CSF1: variants seen among roughly 807,000 people sequenced by gnomAD.
The protein encoded by CSF1 is colony stimulating factor 1.
A neutral mutation model predicts 48.9 loss-of-function variants in CSF1; 9 were observed. The observed-to-expected ratio is 0.18, with a 90% CI of 0.11 to 0.32. CSF1 has a LOEUF of 0.32. Among genes scored for constraint, CSF1 ranks in the 10% least tolerant of loss-of-function variants. The pLI is 1.00. For missense variants in CSF1, 672 were observed against 697.9 expected, an observed-to-expected ratio of 0.96 and a Z score of 0.42; for synonymous variants, 305 against 284.1, an observed-to-expected ratio of 1.07 and a Z score of -0.74.
In CSF1 at chr1:109,924,007, A is replaced by G. The variant is rs760312282; in HGVS notation, c.1386A>G (p.Glu462=). Residue 462 remains glutamate (E), a synonymous_variant, in exon 6 of 9, where the codon GAA becomes GAG. Coordinates refer to ENST00000329608, the MANE Select transcript of CSF1 (RefSeq NM_000757.6). The part of the protein sequence containing the change: ...PAEPEGGPAS[E]GAARPLPRFN... ...AGCCAGAAGGAGGACCAGCAAGTGA[A>G]GGGGCAGCCAGGCCCCTGCCCCGTT... The G allele has an allele frequency of 3.7e-6, 6 of 1,614,062 alleles. No homozygotes were observed. In the African/African-American group the frequency reaches 4.0e-5, roughly 11 times the overall value.
At chr1:109,922,891 G>T (rs1465386118) in intron 5 of CSF1, among the ~76,000 whole-genome samples, 2 of 152,158 alleles carry the variant, frequency 1.3e-5, no homozygotes, top group Non-Finnish European at 2.9e-5. Flanking sequence ...CCCTGCATGG[G>T]CTGTTCTCTT....
Position 109,915,506 on chromosome 1 carries a change from G to A in CSF1, c.163-128G>A, listed in dbSNP as rs112465705. ...CCTAGACTTGACTCTGTCTTTCCAC[G>A]TGTGGTTGGCAGGGATGAAGTTCAA... On this transcript the variant is annotated intron_variant, in intron 2 of 8. Transcript: ENST00000329608. 1.4e-4 allele frequency: 102 copies of A among 738,194 alleles called. No individual in the cohort carries two copies. The Middle Eastern group carries it at 1.7e-3, about 12-fold the overall frequency. 45.7% of individuals were successfully genotyped at this position (738,194 alleles called of 1,614,324 possible).
rs12721513 is a variant in CSF1 at position 109,923,497 on chromosome 1, G to C, written c.876G>C (p.Glu292Asp). The C allele has an allele frequency of 1.9e-6, 3 of 1,614,122 alleles. No individual in the cohort carries two copies. Among genetic ancestry groups the C allele is most frequent in the South Asian group, 1.1e-5 (1 of 91,090 alleles). Residue 292 changes from glutamate to aspartate, a missense_variant, in exon 6 of 9, where the codon GAG becomes GAC. Physicochemically the swap from Glu to Asp is conservative, Grantham distance 45. Coordinates refer to ENST00000329608, the MANE Select transcript of CSF1 (RefSeq NM_000757.6). ...PSVGAFNPGM[E>D]DILDSAMGTN... ...TCGGGGCCTTCAACCCCGGGATGGA[G>C]GATATTCTTGACTCTGCAATGGGCA...
At chr1:109,921,518 T>C (rs1328157908) in intron 4 of CSF1, among the ~76,000 whole-genome samples, 4 of 152,250 alleles carry the variant, frequency 2.6e-5, no homozygotes, top group African/African-American at 7.2e-5. Flanking sequence ...ATAGGACTCA[T>C]TGCACTTGTA....
chr1:109,920,350 C>A (rs1480668107), intron 4 of CSF1, among the ~76,000 whole-genome samples: 1 of 150,732 alleles, frequency 6.6e-6, no homozygotes, highest in Non-Finnish European at 1.5e-5. Context: ...TCACTGCAAC[C>A]TTTGCCTCCC....
rs1367872387 is a variant in CSF1 at position 109,914,395 on chromosome 1, C to T, written c.162+14C>T. 6.3e-7 allele frequency: 1 copy of T among 1,582,480 alleles called. No homozygotes were observed. On this transcript the variant is annotated intron_variant, in intron 2 of 8. Coordinates refer to ENST00000329608, the MANE Select transcript of CSF1 (RefSeq NM_000757.6). ...CTGCAGCGGCTGGTGAGTGTGTGGCCATGCTGTATTCTACCTTCTCCCCAC... is the reference window on the plus strand; with the variant it reads ...CTGCAGCGGCTGGTGAGTGTGTGGCTATGCTGTATTCTACCTTCTCCCCAC...
At chr1:109,926,789 A>G (rs333974) in intron 8 of CSF1, 79,215 of 152,108 alleles carry the variant, frequency 0.52, 21,261 homozygotes, top group South Asian at 0.69. Flanking sequence ...TTTTATATGT[A>G]TTGTACATTC....
Position 109,930,243 on chromosome 1 carries a change from C to G in CSF1, c.*1405C>G, listed in dbSNP as rs1219525693. The stretch of plus-strand genomic sequence containing the variant: ...TGATGACCTCCAACTCTCACCCACC[C>G]CCTCTACCATCACCTCTAACCAGGC... On this transcript the variant is annotated 3_prime_UTR_variant, in exon 9 of 9. Coordinates refer to ENST00000329608, the MANE Select transcript of CSF1 (RefSeq NM_000757.6). 1 of 152,360 alleles carries G rather than the reference C, an allele frequency of 6.6e-6. No homozygotes were observed. The highest frequency in any genetic ancestry group is 1.5e-5 in the Non-Finnish European group (1 of 68,150). The allele number at this position is 152,360 out of a possible 1,614,324, so 9.4% of individuals were successfully genotyped here.
At position 109,924,825 on chromosome 1, in the gene CSF1, G is replaced by A. The variant is rs1484839363; in HGVS notation, c.1619G>A (p.Gly540Asp). 1.9e-6 allele frequency: 3 copies of A among 1,605,762 alleles called. No homozygotes were observed. The highest frequency in any genetic ancestry group is 2.6e-6 in the Non-Finnish European group (3 of 1,175,986). ...RADSPLEQPE[G>D]SPLTQDDRQV... ...GATTCTCCCTTGGAGCAACCAGAGG[G>A]CAGGTGAGAGCTTGAGGTGGGGCTC... Residue 540 changes from glycine to aspartate, a missense_variant, in exon 7 of 9, where the codon GGC becomes GAC. Physicochemically the swap from Gly to Asp is moderately conservative, Grantham distance 94. Around this residue, in one of 3 missense-constraint regions of CSF1, gnomAD observed 591 missense variants for 593.6 expected, o/e 1.00. Transcript: ENST00000329608.
chr1:109,929,384 G>C lies in CSF1; in HGVS notation c.*546G>C, dbSNP rs1299295621. On this transcript the variant is annotated 3_prime_UTR_variant, in exon 9 of 9. Coordinates refer to ENST00000329608, the MANE Select transcript of CSF1 (RefSeq NM_000757.6). Reference sequence around the variant, plus strand: ...TTTCCCGTAAAGGTGTGCAGCCTGAGAGACGGGAAGAGGAGGCCTCTGGAC... The same window carrying C: ...TTTCCCGTAAAGGTGTGCAGCCTGACAGACGGGAAGAGGAGGCCTCTGGAC... The C allele has an allele frequency of 6.5e-6, 1 of 152,734 alleles. No individual in the cohort carries two copies. Among genetic ancestry groups the C allele is most frequent in the African/African-American group, 2.4e-5 (1 of 41,460 alleles). The allele number at this position is 152,734 out of a possible 1,614,324, so 9.5% of individuals were successfully genotyped here. A position where few individuals can be genotyped will look rare whatever the true frequency, so the allele number is the denominator to read the frequency against.
At chr1:109,920,880 A>ATT in intron 4 of CSF1, among the ~76,000 whole-genome samples, 1 of 152,070 alleles carries the variant, frequency 6.6e-6, no homozygotes, top group Non-Finnish European at 1.5e-5. Context: ...GGAGAAGGGG[A>ATT]GCTTGGTAAG....
intron 4 of CSF1, among the ~76,000 whole-genome samples, chr1:109,920,427 C>T (rs1340246106): frequency 6.6e-6 from 1 of 152,038 alleles, no homozygotes; most frequent in African/African-American, 2.4e-5. Flanking sequence ...ACCACCATGC[C>T]CAGCTAATTT....
At position 109,923,639 on chromosome 1, in the gene CSF1, C is replaced by A; in HGVS notation, c.1018C>A (p.Pro340Thr). 6.2e-7 allele frequency: 1 copy of A among 1,614,014 alleles called. No homozygotes were observed. The highest frequency in any genetic ancestry group is 1.3e-5 in the African/African-American group (1 of 75,040). ...CAGCATGCAGACAGAGCCCGCCAGACCCAGCAACTTCCTCTCAGCATCTTC... is the reference window on the plus strand; with the variant it reads ...CAGCATGCAGACAGAGCCCGCCAGAACCAGCAACTTCCTCTCAGCATCTTC... ...GGSMQTEPAR[P>T]SNFLSASSPL... The change falls in exon 6 of 9, where the codon CCC becomes ACC. Residue 340 changes from proline (P) to threonine (T), a missense_variant. By Grantham distance (38) the Pro-to-Thr change is conservative. Transcript: ENST00000329608.
chr1:109,925,185 T>A lies in CSF1; in HGVS notation c.1661T>A (p.Val554Glu). Residue 554 changes from valine (V) to glutamate (E), a missense_variant, in exon 8 of 9, where the codon GTG becomes GAG. Transcript: ENST00000329608. ...GATGACAGACAGGTGGAACTGCCAGTGTAGAGGGAATTCTAAGGTAAGATT... is the reference window on the plus strand; with the variant it reads ...GATGACAGACAGGTGGAACTGCCAGAGTAGAGGGAATTCTAAGGTAAGATT... ...TQDDRQVELPV is the reference protein window; with the variant it reads ...TQDDRQVELPE 1 of 1,613,940 alleles carries A rather than the reference T, an allele frequency of 6.2e-7. No individual in the cohort carries two copies. Among genetic ancestry groups the A allele is most frequent in the Non-Finnish European group, 8.5e-7 (1 of 1,179,926 alleles).
At chr1:109,917,174 T>C (rs1647258664) in intron 3 of CSF1, 119 bp from the exon 4 acceptor site, 10 of 1,020,970 alleles carry the variant, frequency 9.8e-6, no homozygotes, top group Non-Finnish European at 1.5e-5. Context: ...GTTGCTGGCA[T>C]GGTGTGGTCC....
Position 109,926,705 on chromosome 1 carries a change from C to T in CSF1, c.*13+1503C>T, listed in dbSNP as rs146171610. Reference sequence around the variant, plus strand: ...GCTCTTTTCAGTCATGCTCCTCCTGCTCTTTTGTATTTGGCTAATAGTATA... The same window carrying T: ...GCTCTTTTCAGTCATGCTCCTCCTGTTCTTTTGTATTTGGCTAATAGTATA... On this transcript the variant is annotated intron_variant, in intron 8 of 8. Coordinates refer to ENST00000329608, the MANE Select transcript of CSF1 (RefSeq NM_000757.6). 7 of 152,092 alleles carry T rather than the reference C, an allele frequency of 4.6e-5. No individual in the cohort carries two copies. The East Asian group carries it at 1.4e-3, about 29-fold the overall frequency. The allele number at this position is 152,092 out of a possible 1,614,324, so 9.4% of individuals were successfully genotyped here.
intron 7 of CSF1, 91 bp downstream of exon 7, chr1:109,924,919 C>A: frequency 2.3e-6 from 3 of 1,331,020 alleles, no homozygotes; most frequent in Non-Finnish European, 3.2e-6. Flanking sequence ...CTCCTGCTTG[C>A]TCTGAGGAAA....
chr1:109,924,680 C>A lies in CSF1; in HGVS notation c.1570-96C>A. 4 of 1,121,342 alleles carry A rather than the reference C, an allele frequency of 3.6e-6. No individual in the cohort carries two copies. In the South Asian group the frequency reaches 5.6e-5, roughly 16 times the overall value. 69.5% of individuals were successfully genotyped at this position (1,121,342 alleles called of 1,614,324 possible). ...GGAAGTTGGGAGGACTCTTGCAACT[C>A]TCTCATAAATACCTGGGGCAGCCCT... On this transcript the variant is annotated intron_variant, in intron 6 of 8. Transcript: ENST00000329608.
intron 4 of CSF1, among the ~76,000 whole-genome samples, chr1:109,921,563 C>T (rs1277819970): frequency 6.6e-6 from 1 of 152,210 alleles, no homozygotes; most frequent in Non-Finnish European, 1.5e-5. Context: ...TTGCTGGACT[C>T]AGTGTCCAAC....
Sources: allele counts gnomAD v4.1 joint callset (sites outside exome capture counted in the v4.1 genomes callset), GRCh38; gene constraint gnomAD v4.1.1; regional missense constraint gnomAD v4.1.1; transcripts MANE v1.5; gene names NCBI Gene and HGNC (gene_info 2026-07-23, HGNC 2026-07-21).